The following DRD2 variants were observed in gnomAD, a reference collection of about 807,000 sequenced individuals.
DRD2 encodes D(2) dopamine receptor.
In DRD2, 8 loss-of-function variants were observed where a neutral mutation model predicts 38.0. The observed-to-expected ratio is 0.21, with a 90% confidence interval of 0.12 to 0.38. The LOEUF (loss-of-function observed/expected upper bound fraction) is 0.38. Ranked by LOEUF, DRD2 falls within the 10% of genes least tolerant of loss-of-function variation. The probability of loss-of-function intolerance (pLI) is 1.00; values close to 1 mark genes in which losing one functional copy is unlikely to be tolerated. For synonymous variants in DRD2, 230 were observed against 238.6 expected, an observed-to-expected ratio of 0.96 and a Z score of 0.33; for missense variants, 403 against 607.7, an observed-to-expected ratio of 0.66 and a Z score of 3.54.
Position 113,415,510 on chromosome 11 carries a change from T to C in DRD2, c.634A>G (p.Ile212Val). The C allele has an allele frequency of 2.5e-6, 4 of 1,614,032 alleles. No homozygotes were observed. The highest frequency in any genetic ancestry group is 2.2e-5 in the South Asian group (2 of 91,070). The change falls in exon 5 of 8, where the codon ATC becomes GTC. Residue 212 changes from isoleucine (I) to valine (V), a missense_variant. This residue lies in a region of DRD2 where 8 missense variants were observed against 38.6 expected (regional missense o/e 0.21). Coordinates refer to ENST00000362072, the MANE Select transcript of DRD2 (RefSeq NM_000795.4). ...CGGCGTCTGCGGAGGACAATGTAGA[T>C]CTTGATGTAGACCAGCAGGGTGACA... ...FIVTLLVYIKIYIVLRRRRKR... is the reference protein window; with the variant it reads ...FIVTLLVYIKVYIVLRRRRKR...
intron 1 of DRD2, among the ~76,000 whole-genome samples, chr11:113,446,019 T>C (rs1292701065): frequency 6.6e-6 from 1 of 152,160 alleles, no homozygotes; most frequent in Non-Finnish European, 1.5e-5. Context: ...TTGCCTGTTG[T>C]CCTGGCCCAG....
intron 2 of DRD2, 115 bp from the exon 3 acceptor site, chr11:113,418,251 C>A: frequency 1.2e-6 from 1 of 830,114 alleles, no homozygotes; most frequent in Non-Finnish European, 2.0e-6. Context: ...AGCTGCAAGT[C>A]TTGTGGGCAT....
intron 1 of DRD2, among the ~76,000 whole-genome samples, chr11:113,439,874 A>AAT (rs1951072848): frequency 7.9e-5 from 11 of 139,242 alleles, no homozygotes; most frequent in African/African-American, 2.7e-4. Context: ...AAAAAAAAAA[A>AAT]GCTAAGAGTA....
chr11:113,446,475 C>T (rs1375591496), intron 1 of DRD2, among the ~76,000 whole-genome samples: 7 of 152,222 alleles, frequency 4.6e-5, no homozygotes. Flanking sequence ...GGAAACATTA[C>T]TAATCCTTTT....
chr11:113,459,613 A>C (rs113966502), intron 1 of DRD2, among the ~76,000 whole-genome samples: 3 of 152,280 alleles, frequency 2.0e-5, no homozygotes, highest in African/African-American at 7.2e-5. Flanking sequence ...GAGGCAGAGA[A>C]TAGTAGTAGT....
intron 4 of DRD2, 56 bp downstream of exon 4, chr11:113,416,807 G>T: frequency 6.2e-7 from 1 of 1,600,960 alleles, no homozygotes; most frequent in Non-Finnish European, 8.5e-7. Context: ...AGGGCCCTTC[G>T]AGGGAGCAGG....
intron 1 of DRD2, among the ~76,000 whole-genome samples, chr11:113,470,017 G>C (rs1951407824): frequency 6.6e-6 from 1 of 152,168 alleles, no homozygotes; most frequent in Non-Finnish European, 1.5e-5. Context: ...CCGTTATGAT[G>C]ATGAGGCCAG....
chr11:113,461,029 T>C (rs905872879), intron 1 of DRD2, among the ~76,000 whole-genome samples: 1 of 152,246 alleles, frequency 6.6e-6, no homozygotes, highest in Non-Finnish European at 1.5e-5. Context: ...TACTAAGCTA[T>C]GGACCGGGTC....
Position 113,450,025 on chromosome 11 carries a change from G to C in DRD2, c.-32+25051C>G, listed in dbSNP as rs113391897. On this transcript the variant is annotated intron_variant, in intron 1 of 7. Coordinates refer to ENST00000362072, the MANE Select transcript of DRD2 (RefSeq NM_000795.4). ...TGTATGCACTTATTCCCAGCATCCA[G>C]AGCTGCACCTGCCACCCTCCACGAA... The C allele has an allele frequency of 3.9e-5, 6 of 154,450 alleles. 1 individual carries two copies. Among genetic ancestry groups the C allele is most frequent in the African/African-American group, 1.4e-4 (6 of 41,602 alleles). 9.6% of individuals were successfully genotyped at this position (154,450 alleles called of 1,614,324 possible).
chr11:113,460,896 A>G lies in DRD2; in HGVS notation c.-32+14180T>C, dbSNP rs1410941857. ...GAGCCTCCAAGGCCTCAAGTCCCAA[A>G]GCTGGCCTGAGAACAGCTCCTTGGA... On this transcript the variant is annotated intron_variant, in intron 1 of 7. Coordinates refer to ENST00000362072, the MANE Select transcript of DRD2 (RefSeq NM_000795.4). Among the ~76,000 whole-genome samples the G allele has an allele frequency of 3.3e-5, 5 of 152,274 alleles. No individual in the cohort carries two copies. In the East Asian group the frequency reaches 7.7e-4, roughly 23 times the overall value.
intron 1 of DRD2, among the ~76,000 whole-genome samples, chr11:113,430,619 C>T (rs1451255826): frequency 6.6e-6 from 1 of 152,232 alleles, no homozygotes; most frequent in Non-Finnish European, 1.5e-5. Flanking sequence ...GTCCTTCTGT[C>T]TCCGGGCTGC....
At chr11:113,425,007 G>C in intron 1 of DRD2, 1 of 341,612 alleles carries the variant, frequency 2.9e-6, no homozygotes, top group South Asian at 3.2e-5. Context: ...CAGTTAACCA[G>C]GCTTGCTACC....
At chr11:113,439,275 T>C (rs771066598) in intron 1 of DRD2, among the ~76,000 whole-genome samples, 2 of 152,216 alleles carry the variant, frequency 1.3e-5, no homozygotes, top group Admixed American at 1.3e-4. Context: ...TTGTAAGTGC[T>C]TCCTGGATGT....
chr11:113,457,984 C>A, intron 1 of DRD2, among the ~76,000 whole-genome samples: 1 of 152,234 alleles, frequency 6.6e-6, no homozygotes, highest in Non-Finnish European at 1.5e-5. Flanking sequence ...TGGGGAGGGG[C>A]ATGGAAGATC....
intron 1 of DRD2, among the ~76,000 whole-genome samples, chr11:113,428,597 C>G (rs1950959817): frequency 6.6e-6 from 1 of 152,084 alleles, no homozygotes; most frequent in Non-Finnish European, 1.5e-5. Context: ...TGGAGAACTT[C>G]CTGGAGGAGG....
intron 1 of DRD2, among the ~76,000 whole-genome samples, chr11:113,456,062 G>GA (rs927273953): frequency 6.6e-6 from 1 of 151,930 alleles, no homozygotes; most frequent in Non-Finnish European, 1.5e-5. Flanking sequence ...GATAAAGATT[G>GA]AAAAAAACAA....
chr11:113,472,405 C>G (rs1591307522), intron 1 of DRD2, among the ~76,000 whole-genome samples: 1 of 152,176 alleles, frequency 6.6e-6, no homozygotes, highest in Non-Finnish European at 1.5e-5. Flanking sequence ...TCTAATGACC[C>G]TAAGTTCCCA....
chr11:113,436,129 C>T (rs1361826580), intron 1 of DRD2, among the ~76,000 whole-genome samples: 5 of 152,154 alleles, frequency 3.3e-5, no homozygotes, highest in Non-Finnish European at 7.3e-5. Flanking sequence ...CGATGGGAGG[C>T]CTTCTTGCAA....
intron 1 of DRD2, among the ~76,000 whole-genome samples, chr11:113,471,090 C>A (rs1042122487): frequency 6.6e-6 from 1 of 152,150 alleles, no homozygotes; most frequent in African/African-American, 2.4e-5. Flanking sequence ...CAAAGAAAAC[C>A]AAGTGGCTGA....
Sources: gnomAD v4.1 joint callset for allele counts (sites outside exome capture counted in the v4.1 genomes callset) on GRCh38, gnomAD v4.1.1 for gene constraint, gnomAD v4.1.1 regional missense constraint, MANE v1.5 for transcripts, NCBI Gene and HGNC (gene_info 2026-07-23, HGNC 2026-07-21) for gene names.